The following PDE11A variants were observed in gnomAD, a reference collection of about 807,000 sequenced individuals.
PDE11A encodes the protein phosphodiesterase 11A.
A neutral mutation model predicts 100.5 loss-of-function variants in PDE11A; 100 were observed. The ratio of observed to expected loss-of-function variants is 1.00; its 90% confidence interval spans 0.85 to 1.18. The LOEUF is 1.18. PDE11A is among the 50% of genes most tolerant of loss of function. The probability of loss-of-function intolerance (pLI) is 0.00; values close to 1 mark genes in which losing one functional copy is unlikely to be tolerated. For synonymous variants in PDE11A, 381 were observed against 420.8 expected (o/e 0.91, Z 1.16); for missense variants, 1,141 against 1,152.6 (o/e 0.99, Z 0.15).
intron 2 of PDE11A, among the ~76,000 whole-genome samples, chr2:177,996,914 T>A (rs537895273): frequency 6.6e-6 from 1 of 152,212 alleles, no homozygotes; most frequent in East Asian, 1.9e-4. Flanking sequence ...ATTATCAACA[T>A]ATTTAAAAGT....
intron 9 of PDE11A, among the ~76,000 whole-genome samples, chr2:177,809,925 C>T (rs955871707): frequency 7.9e-5 from 12 of 152,280 alleles, no homozygotes; most frequent in African/African-American, 2.4e-4. Flanking sequence ...AATCTTTCCT[C>T]GGAGCTTAGA....
intron 10 of PDE11A, among the ~76,000 whole-genome samples, chr2:177,752,543 G>C (rs994616984): frequency 4.6e-5 from 7 of 152,132 alleles, no homozygotes; most frequent in African/African-American, 1.7e-4. Flanking sequence ...TCCATTAGAC[G>C]CATATACCCA....
chr2:178,024,899 T>C (rs1466859677), intron 1 of PDE11A, among the ~76,000 whole-genome samples: 1 of 152,222 alleles, frequency 6.6e-6, no homozygotes, highest in Non-Finnish European at 1.5e-5. Context: ...AATTGATTAG[T>C]CTTTAATGAC....
chr2:177,899,340 G>A (rs2084663572), intron 3 of PDE11A, among the ~76,000 whole-genome samples: 1 of 152,172 alleles, frequency 6.6e-6, no homozygotes, highest in Non-Finnish European at 1.5e-5. Flanking sequence ...CCAGGGAGCA[G>A]AGGTTGCAGT....
intron 2 of PDE11A, among the ~76,000 whole-genome samples, chr2:177,936,177 T>A (rs2085269858): frequency 6.6e-6 from 1 of 152,208 alleles, no homozygotes; most frequent in Non-Finnish European, 1.5e-5. Context: ...CAGATTGAAG[T>A]GTGAAAAACT....
At chr2:177,696,942 T>C (rs972272059) in intron 15 of PDE11A, among the ~76,000 whole-genome samples, 1 of 152,230 alleles carries the variant, frequency 6.6e-6, no homozygotes, top group African/African-American at 2.4e-5. Context: ...AACTGTTGCA[T>C]TGCTAGTTAA....
At chr2:177,872,423 T>C (rs2084152510) in intron 5 of PDE11A, among the ~76,000 whole-genome samples, 1 of 152,214 alleles carries the variant, frequency 6.6e-6, no homozygotes, top group African/African-American at 2.4e-5. Flanking sequence ...AGCTCTTGAA[T>C]TGATTGGTAC....
chr2:177,771,298 C>T (rs902401358), intron 9 of PDE11A, among the ~76,000 whole-genome samples: 12 of 152,230 alleles, frequency 7.9e-5, no homozygotes, highest in African/African-American at 2.9e-4. Flanking sequence ...CCACAGAACT[C>T]CCTTTTAGGT....
intron 16 of PDE11A, 147 bp downstream of exon 16, chr2:177,680,679 T>C (rs1269206010): frequency 1.9e-6 from 1 of 525,584 alleles, no homozygotes; most frequent in Non-Finnish European, 3.4e-6. Context: ...ATTTCTTTAA[T>C]TATTCAACTG....
chr2:177,676,074 A>G (rs2080768278), intron 16 of PDE11A: 1 of 195,340 alleles, frequency 5.1e-6, no homozygotes, highest in Non-Finnish European at 1.1e-5. Context: ...CCTGGCTCCA[A>G]CAATGGTTTA....
Position 177,854,741 on chromosome 2 carries a change from G to A in PDE11A, c.1368-14358C>T, listed in dbSNP as rs76537670. Among the ~76,000 whole-genome samples the A allele has an allele frequency of 9.7e-3, 1,480 of 152,160 alleles. 21 individuals are homozygous for A. The highest frequency in any genetic ancestry group is 0.034 in the African/African-American group (1,405 of 41,510). ...GTAAATGAAGTGGCTTTGATACCAA[G>A]AGGCAGACTCAGAATTCAACTTCTG... is the stretch of plus-strand genomic sequence containing the variant. On this transcript the variant is annotated intron_variant, in intron 5 of 19. Coordinates refer to ENST00000286063, the MANE Select transcript of PDE11A (RefSeq NM_016953.4).
chr2:178,049,364 G>T (rs554305766), intron 1 of PDE11A, among the ~76,000 whole-genome samples: 6 of 152,120 alleles, frequency 3.9e-5, no homozygotes, highest in African/African-American at 1.2e-4. Context: ...GCCAGGCTTG[G>T]GGGGGAAGTT....
At chr2:177,666,086 C>T (rs1310064101) in intron 18 of PDE11A, among the ~76,000 whole-genome samples, 2 of 151,960 alleles carry the variant, frequency 1.3e-5, no homozygotes, top group African/African-American at 4.8e-5. Context: ...GCTTTTTTTC[C>T]GCACTCCCAG....
At position 178,072,446 on chromosome 2, in the gene PDE11A, A is replaced by G; in HGVS notation, c.-9T>C. 6.2e-7 allele frequency: 1 copy of G among 1,613,096 alleles called. No individual in the cohort carries two copies. Among genetic ancestry groups the G allele is most frequent in the Non-Finnish European group, 8.5e-7 (1 of 1,180,028 alleles). ...AGGCGGGAGGCTGCCATGGTCCCAG[A>G]CAGCTTTCCTTGCCTGTTTACACGT... On this transcript the variant is annotated 5_prime_UTR_variant, in exon 1 of 20. Coordinates refer to ENST00000286063, the MANE Select transcript of PDE11A (RefSeq NM_016953.4).
At chr2:177,696,819 C>G (rs1342962708) in intron 15 of PDE11A, among the ~76,000 whole-genome samples, 1 of 152,060 alleles carries the variant, frequency 6.6e-6, no homozygotes, top group Non-Finnish European at 1.5e-5. Context: ...CCTGATAGAG[C>G]AGGTCCCACT....
intron 6 of PDE11A, among the ~76,000 whole-genome samples, chr2:177,836,030 C>T (rs373259793): frequency 5.3e-5 from 8 of 152,224 alleles, no homozygotes; most frequent in Admixed American, 1.3e-4. Flanking sequence ...CCGGTCCTAT[C>T]GACCACCCAA....
intron 5 of PDE11A, among the ~76,000 whole-genome samples, chr2:177,869,277 A>G (rs966971393): frequency 6.6e-6 from 1 of 152,206 alleles, no homozygotes; most frequent in Admixed American, 6.5e-5. Context: ...TCAGGCTCTT[A>G]TAAGACCAAA....
intron 9 of PDE11A, among the ~76,000 whole-genome samples, chr2:177,815,534 G>A (rs10930810): frequency 0.41 from 61,422 of 151,576 alleles, 14,222 homozygotes; most frequent in African/African-American, 0.64. Flanking sequence ...AGCATCCCTT[G>A]CCAAGGTAAG....
chr2:177,940,752 TCTGGGAAAATACTTTTCATTCC>T (rs1559016171), intron 2 of PDE11A, among the ~76,000 whole-genome samples: 1 of 152,152 alleles, frequency 6.6e-6, no homozygotes, highest in African/African-American at 2.4e-5. Flanking sequence ...TTAAACAAAA[TCTGGGAAAATACTTTTCATTCC>T]CTGCACTTGA....
Sources: allele counts gnomAD v4.1 joint callset (sites outside exome capture counted in the v4.1 genomes callset), GRCh38; gene constraint gnomAD v4.1.1; transcripts MANE v1.5; gene names NCBI Gene and HGNC (gene_info 2026-07-23, HGNC 2026-07-21).